Variants in PIK3CA observed in about 807,000 individuals in gnomAD.
The protein encoded by PIK3CA is phosphatidylinositol-4,5-bisphosphate 3-kinase catalytic subunit alpha, also known as phosphatidylinositol 4,5-bisphosphate 3-kinase catalytic subunit alpha isoform.
Under a neutral mutation model 138.2 loss-of-function variants are expected in PIK3CA, and 27 were observed. The observed-to-expected ratio is 0.20, with a 90% confidence interval of 0.14 to 0.27. PIK3CA has a LOEUF of 0.27. PIK3CA is among the 10% of genes least tolerant of loss of function. The pLI, the probability that PIK3CA is intolerant of heterozygous loss-of-function variation, is 1.00. For missense variants in PIK3CA, 544 were observed against 1,277.4 expected, an observed-to-expected ratio of 0.43 and a Z score of 8.75; for synonymous variants, 358 against 413.2, an observed-to-expected ratio of 0.87 and a Z score of 1.62.
At chr3:179,204,851 T>A (rs1724515979) in intron 6 of PIK3CA, among the ~76,000 whole-genome samples, 1 of 151,080 alleles carries the variant, frequency 6.6e-6, no homozygotes, top group African/African-American at 2.4e-5. Flanking sequence ...AAACCCCATC[T>A]CTACTAAAAA....
intron 15 of PIK3CA, among the ~76,000 whole-genome samples, 193 bp from the exon 16 acceptor site, chr3:179,224,507 A>G (rs1038297389): frequency 6.6e-6 from 1 of 152,144 alleles, no homozygotes; most frequent in Non-Finnish European, 1.5e-5. Context: ...TTCATATGCA[A>G]TTATATAACT....
intron 1 of PIK3CA, among the ~76,000 whole-genome samples, chr3:179,157,564 T>C (rs1473240920): frequency 6.6e-6 from 1 of 152,136 alleles, no homozygotes; most frequent in African/African-American, 2.4e-5. Context: ...AAATGTATCA[T>C]GCTGTGGTCT....
rs1724886930 is a variant in PIK3CA at position 179,218,268 on chromosome 3, C to G, written c.1598C>G (p.Ala533Gly). The change falls in exon 10 of 21, where the codon GCA (alanine) becomes GGA (glycine). Residue 533 changes from alanine (A) to glycine (G), a missense_variant. Around this residue, in one of 14 missense-constraint regions of PIK3CA, gnomAD observed 52 missense variants for 83.4 expected, o/e 0.62. Coordinates refer to ENST00000263967, the MANE Select transcript of PIK3CA (RefSeq NM_006218.4). ...GAAAATGACAAAGAACAGCTCAAAG[C>G]AATTTCTACACGAGATCCTCTCTCT... ...LRENDKEQLK[A>G]ISTRDPLSEI... The G allele has an allele frequency of 6.2e-7, 1 of 1,611,116 alleles. No homozygotes were observed. The highest frequency in any genetic ancestry group is 8.5e-7 in the Non-Finnish European group (1 of 1,178,216).
At chr3:179,171,476 G>A (rs1020901675) in intron 1 of PIK3CA, among the ~76,000 whole-genome samples, 1 of 152,078 alleles carries the variant, frequency 6.6e-6, no homozygotes, top group Non-Finnish European at 1.5e-5. Context: ...TCAAAAGCTG[G>A]TTCTTTAAAG....
intron 17 of PIK3CA, among the ~76,000 whole-genome samples, chr3:179,228,540 TCTAC>T (rs1229671730): frequency 6.6e-6 from 1 of 152,110 alleles, no homozygotes; most frequent in Non-Finnish European, 1.5e-5. Context: ...TCCTTCTTTT[TCTAC>T]CTACCTATCT....
At chr3:179,213,987 T>G (rs1724780232) in intron 9 of PIK3CA, among the ~76,000 whole-genome samples, 1 of 152,224 alleles carries the variant, frequency 6.6e-6, no homozygotes, top group Non-Finnish European at 1.5e-5. Flanking sequence ...CTGAAGCATC[T>G]TCGTCTCTCT....
chr3:179,148,925 C>T (rs1313472853), intron 1 of PIK3CA, among the ~76,000 whole-genome samples: 1 of 152,192 alleles, frequency 6.6e-6, no homozygotes, highest in East Asian at 1.9e-4. Context: ...GCCGCCGCCC[C>T]GGCCGCGGTG....
intron 1 of PIK3CA, among the ~76,000 whole-genome samples, chr3:179,194,618 A>G (rs1214920691): frequency 1.3e-5 from 2 of 152,132 alleles, no homozygotes; most frequent in Non-Finnish European, 2.9e-5. Context: ...CTTCTTTGTC[A>G]CATACTCCAC....
chr3:179,148,198 G>C (rs541824921), upstream of PIK3CA: 1 of 151,480 alleles, frequency 6.6e-6, no homozygotes, highest in Non-Finnish European at 1.5e-5. Context: ...GTGGGGAAGA[G>C]TTCGTTGTTT....
intron 9 of PIK3CA, among the ~76,000 whole-genome samples, chr3:179,212,755 A>G (rs1237110113): frequency 6.6e-6 from 1 of 152,100 alleles, no homozygotes; most frequent in East Asian, 1.9e-4. Context: ...GACAAAATAA[A>G]TGTATAGTAT....
chr3:179,225,394 G>T (rs572184467), intron 16 of PIK3CA, among the ~76,000 whole-genome samples: 2 of 152,178 alleles, frequency 1.3e-5, no homozygotes, highest in South Asian at 4.1e-4. Flanking sequence ...AAAAGGCTAT[G>T]GGGGGAGTGA....
In PIK3CA at chr3:179,237,450, G is replaced by A. The variant is rs187009973; in HGVS notation, c.*3086G>A. Reference sequence around the variant, plus strand: ...TTTAATGTGTAACTTTTTCAACTGTGAAACTGACTTGATTTTTTGATGAAA... The same window carrying A: ...TTTAATGTGTAACTTTTTCAACTGTAAAACTGACTTGATTTTTTGATGAAA... On this transcript the variant is annotated 3_prime_UTR_variant, in exon 21 of 21. Coordinates refer to ENST00000263967, the MANE Select transcript of PIK3CA (RefSeq NM_006218.4). The A allele has an allele frequency of 7.1e-4, 144 of 202,096 alleles. 2 individuals are homozygous for A. The highest frequency in any genetic ancestry group is 2.9e-3 in the African/African-American group (127 of 43,706). The allele number at this position is 202,096 out of a possible 1,614,324, so 12.5% of individuals were successfully genotyped here.
At position 179,236,751 on chromosome 3, in the gene PIK3CA, G is replaced by A. The variant is rs1369299057; in HGVS notation, c.*2387G>A. On this transcript the variant is annotated 3_prime_UTR_variant, in exon 21 of 21. Transcript: ENST00000263967. ...TACAACCAAATTAATTCTATTAGAA[G>A]AAATGTAGACAAATTCTATAAAGAC... 1 of 220,126 alleles carries A rather than the reference G, an allele frequency of 4.5e-6. No homozygotes were observed. The highest frequency in any genetic ancestry group is 2.2e-5 in the African/African-American group (1 of 44,588). 13.6% of individuals were successfully genotyped at this position (220,126 alleles called of 1,614,324 possible). A position where few individuals can be genotyped will look rare whatever the true frequency, so the allele number is the denominator to read the frequency against.
intron 1 of PIK3CA, among the ~76,000 whole-genome samples, chr3:179,187,030 AG>A: frequency 6.7e-6 from 1 of 150,290 alleles, no homozygotes; most frequent in Non-Finnish European, 1.5e-5. Flanking sequence ...TCATTTTATA[AG>A]GGAAGTGTTT....
At chr3:179,213,706 C>T (rs770364462) in intron 9 of PIK3CA, among the ~76,000 whole-genome samples, 2 of 152,240 alleles carry the variant, frequency 1.3e-5, no homozygotes, top group African/African-American at 4.8e-5. Flanking sequence ...TAACCAGCTG[C>T]ATTAGCCCCT....
At chr3:179,186,549 TG>T (rs1444324314) in intron 1 of PIK3CA, among the ~76,000 whole-genome samples, 1 of 152,200 alleles carries the variant, frequency 6.6e-6, no homozygotes, top group Non-Finnish European at 1.5e-5. Context: ...AATGGAACAA[TG>T]TGTGGTTAGC....
intron 1 of PIK3CA, among the ~76,000 whole-genome samples, chr3:179,173,256 A>T (rs1261230279): frequency 2.0e-5 from 3 of 151,970 alleles, no homozygotes; most frequent in Non-Finnish European, 4.4e-5. Flanking sequence ...GGAAAAGAAT[A>T]GTCTTTTCAA....
At chr3:179,203,172 C>T (rs1724463161) in intron 4 of PIK3CA, among the ~76,000 whole-genome samples, 1 of 151,824 alleles carries the variant, frequency 6.6e-6, no homozygotes, top group Non-Finnish European at 1.5e-5. Flanking sequence ...GATCTCCTGA[C>T]CTCGTGATCC....
In PIK3CA at chr3:179,237,036, G is replaced by A. The variant is rs1725346178; in HGVS notation, c.*2672G>A. On this transcript the variant is annotated 3_prime_UTR_variant, in exon 21 of 21. Transcript: ENST00000263967. Reference sequence around the variant, plus strand: ...ATATTTCCTTGAATAATTATTTTGAGAAAAAGTCTAAAAGTAATAAAAATA... The same window carrying A: ...ATATTTCCTTGAATAATTATTTTGAAAAAAAGTCTAAAAGTAATAAAAATA... 1 of 194,212 alleles carries A rather than the reference G, an allele frequency of 5.1e-6. No homozygotes were observed. The highest frequency in any genetic ancestry group is 6.1e-5 in the Admixed American group (1 of 16,330). 12.0% of individuals were successfully genotyped at this position (194,212 alleles called of 1,614,324 possible). A position where few individuals can be genotyped will look rare whatever the true frequency, so the allele number is the denominator to read the frequency against.
Sources: allele counts gnomAD v4.1 joint callset (sites outside exome capture counted in the v4.1 genomes callset), GRCh38; gene constraint gnomAD v4.1.1; regional missense constraint gnomAD v4.1.1; transcripts MANE v1.5; gene names NCBI Gene and HGNC (gene_info 2026-07-23, HGNC 2026-07-21).